ZSWIM6: variants seen among roughly 807,000 people sequenced by gnomAD.
The protein encoded by ZSWIM6 is zinc finger SWIM domain-containing protein 6.
ZSWIM6 carries 9 observed loss-of-function variants against 113.2 expected under a neutral mutation model. The ratio of observed to expected loss-of-function variants is 0.08; its 90% CI spans 0.05 to 0.14. The LOEUF (loss-of-function observed/expected upper bound fraction) is 0.14, where lower values mean the gene tolerates loss of function less well. ZSWIM6 is among the 10% of genes least tolerant of loss of function. ZSWIM6 has a pLI of 1.00. For synonymous variants in ZSWIM6, 611 were observed against 606.5 expected, an observed-to-expected ratio of 1.01 and a Z score of -0.11; for missense variants, 1,162 against 1,552.2, an observed-to-expected ratio of 0.75 and a Z score of 4.22.
rs1461966592 is a variant in ZSWIM6 at position 61,332,935 on chromosome 5, C to T, written c.663C>T (p.Asn221=). 12 of 1,348,928 alleles carry T rather than the reference C, an allele frequency of 8.9e-6. No homozygotes were observed. Among genetic ancestry groups the T allele is most frequent in the Middle Eastern group, 2.4e-4 (1 of 4,102 alleles). 83.6% of individuals were successfully genotyped at this position (1,348,928 alleles called of 1,614,324 possible). A position where few individuals can be genotyped will look rare whatever the true frequency, so the allele number is the denominator to read the frequency against. Residue 221 remains asparagine, a synonymous_variant, in exon 1 of 14, where the codon AAC becomes AAT. Coordinates refer to ENST00000252744, the MANE Select transcript of ZSWIM6 (RefSeq NM_020928.2). ...IALLESGCVD[N]VLQVGFHLSG... ...TGTTGGAAAGCGGCTGCGTAGACAA[C>T]GTCCTGCAAGTCGGTGAGTCACGGG...
intron 1 of ZSWIM6, among the ~76,000 whole-genome samples, chr5:61,416,364 A>G (rs1416209785): frequency 2.6e-5 from 4 of 152,230 alleles, no homozygotes. Context: ...GAAATTTTTA[A>G]TAAGAATTTT....
chr5:61,332,378 G>A lies in ZSWIM6; in HGVS notation c.106G>A (p.Gly36Ser). 1.0e-6 allele frequency: 1 copy of A among 992,848 alleles called. No individual in the cohort carries two copies. The highest frequency in any genetic ancestry group is 1.2e-6 in the Non-Finnish European group (1 of 834,902). The allele number at this position is 992,848 out of a possible 1,614,324, so 61.5% of individuals were successfully genotyped here. The change falls in exon 1 of 14, where the codon GGC (glycine) becomes AGC (serine). Residue 36 changes from glycine to serine, a missense_variant. Physicochemically the swap from Gly to Ser is moderately conservative, Grantham distance 56 (BLOSUM62 0). Transcript: ENST00000252744. ...GSSGGGGGAG[G>S]GYSSACRPGP... The stretch of plus-strand genomic sequence containing the variant: ...CAGCGGCGGCGGCGGCGGCGCGGGT[G>A]GCGGCTACAGCTCTGCCTGTCGGCC...
chr5:61,422,375 G>A (rs968055916), intron 1 of ZSWIM6, among the ~76,000 whole-genome samples: 1 of 152,190 alleles, frequency 6.6e-6, no homozygotes, highest in African/African-American at 2.4e-5. Context: ...TGAATTCACT[G>A]TAGATATATG....
intron 2 of ZSWIM6, among the ~76,000 whole-genome samples, chr5:61,473,870 A>T (rs1232987190): frequency 6.6e-6 from 1 of 152,212 alleles, no homozygotes; most frequent in Admixed American, 6.5e-5. Context: ...CTAGTCTCTC[A>T]ACCCTATTCT....
intron 1 of ZSWIM6, among the ~76,000 whole-genome samples, chr5:61,341,041 T>G (rs1160353144): frequency 6.6e-6 from 1 of 152,230 alleles, no homozygotes; most frequent in Non-Finnish European, 1.5e-5. Flanking sequence ...ATGTCATTGA[T>G]GAGAAAATAA....
chr5:61,371,006 A>G (rs1167046410), intron 1 of ZSWIM6, among the ~76,000 whole-genome samples: 1 of 152,226 alleles, frequency 6.6e-6, no homozygotes, highest in Non-Finnish European at 1.5e-5. Flanking sequence ...GTGGAGGGCC[A>G]TAGTGGTGGA....
At chr5:61,337,125 A>C (rs1744416464) in intron 1 of ZSWIM6, among the ~76,000 whole-genome samples, 1 of 152,162 alleles carries the variant, frequency 6.6e-6, no homozygotes, top group African/African-American at 2.4e-5. Flanking sequence ...TACTAAAAAT[A>C]CAAAAATTAG....
intron 1 of ZSWIM6, among the ~76,000 whole-genome samples, chr5:61,400,228 T>C (rs1400611372): frequency 6.6e-6 from 1 of 152,206 alleles, no homozygotes; most frequent in Admixed American, 6.5e-5. Flanking sequence ...TGTTTTTCAT[T>C]TTTTATGTGA....
intron 13 of ZSWIM6, among the ~76,000 whole-genome samples, chr5:61,542,888 G>A (rs779708113): frequency 6.6e-6 from 1 of 152,118 alleles, no homozygotes; most frequent in Non-Finnish European, 1.5e-5. Flanking sequence ...TACAAGTGAG[G>A]GATATTGGGT....
chr5:61,421,191 A>T (rs984232660), intron 1 of ZSWIM6, among the ~76,000 whole-genome samples: 6 of 152,124 alleles, frequency 3.9e-5, no homozygotes, highest in Admixed American at 3.9e-4. Flanking sequence ...AAGTGCTGGG[A>T]TTACAAGCTA....
At chr5:61,410,876 T>G (rs1233722697) in intron 1 of ZSWIM6, among the ~76,000 whole-genome samples, 2 of 152,252 alleles carry the variant, frequency 1.3e-5, no homozygotes, top group African/African-American at 4.8e-5. Context: ...CTTTGTCCAC[T>G]TTTAATCTCA....
At chr5:61,457,722 C>T (rs1353375521) in intron 1 of ZSWIM6, among the ~76,000 whole-genome samples, 1 of 152,030 alleles carries the variant, frequency 6.6e-6, no homozygotes, top group African/African-American at 2.4e-5. Context: ...GGGGTTTCAC[C>T]ATGTTGGCCA....
intron 4 of ZSWIM6, among the ~76,000 whole-genome samples, chr5:61,518,538 A>G (rs1197473985): frequency 6.6e-6 from 1 of 152,208 alleles, no homozygotes; most frequent in Non-Finnish European, 1.5e-5. Context: ...TCTGATGGCC[A>G]GTGATGGTGA....
chr5:61,467,088 G>C (rs1198039003), intron 1 of ZSWIM6, among the ~76,000 whole-genome samples: 1 of 152,132 alleles, frequency 6.6e-6, no homozygotes, highest in African/African-American at 2.4e-5. Flanking sequence ...GTAGAGAAGA[G>C]TTCTTTCTTC....
intron 2 of ZSWIM6, among the ~76,000 whole-genome samples, chr5:61,486,726 G>A (rs1290139356): frequency 5.3e-5 from 8 of 151,992 alleles, no homozygotes; most frequent in African/African-American, 1.9e-4. Context: ...GTGCCTGTTG[G>A]CCATTTGTAT....
chr5:61,542,976 T>C (rs1447283471), intron 13 of ZSWIM6, among the ~76,000 whole-genome samples: 1 of 152,238 alleles, frequency 6.6e-6, no homozygotes, highest in Non-Finnish European at 1.5e-5. Flanking sequence ...TCTGCTTCTA[T>C]TGACTTTGTT....
intron 1 of ZSWIM6, among the ~76,000 whole-genome samples, chr5:61,439,979 C>T (rs1376015507): frequency 1.3e-5 from 2 of 151,984 alleles, no homozygotes; most frequent in African/African-American, 4.8e-5. Context: ...CAGGAATATG[C>T]TTGAAATGCC....
chr5:61,391,286 A>C, intron 1 of ZSWIM6: 1 of 867,774 alleles, frequency 1.2e-6, no homozygotes, highest in Non-Finnish European at 2.0e-6. Flanking sequence ...TCGTGGGCCC[A>C]GTCCAGCTTC....
At position 61,465,896 on chromosome 5, in the gene ZSWIM6, C is replaced by T. The variant is rs142827351; in HGVS notation, c.677-6785C>T. Among the ~76,000 whole-genome samples the T allele has an allele frequency of 6.0e-3, 920 of 152,088 alleles. 2 individuals are homozygous for T. Among genetic ancestry groups the T allele is most frequent in the Non-Finnish European group, 9.7e-3 (660 of 67,962 alleles). ...TGAAAACCACTTCATTAGTGATTGCCGGCAAAATCTCCTAATGTCTTTCTA... is the reference window on the plus strand; with the variant it reads ...TGAAAACCACTTCATTAGTGATTGCTGGCAAAATCTCCTAATGTCTTTCTA... On this transcript the variant is annotated intron_variant, in intron 1 of 13. Transcript: ENST00000252744.
Sources: allele counts gnomAD v4.1 joint callset (sites outside exome capture counted in the v4.1 genomes callset), GRCh38; gene constraint gnomAD v4.1.1; transcripts MANE v1.5; gene names NCBI Gene and HGNC (gene_info 2026-07-23, HGNC 2026-07-21).